The following C8orf34 variants were observed in gnomAD, a reference collection of about 807,000 sequenced individuals.
C8orf34 encodes the protein chromosome 8 open reading frame 34.
In C8orf34, 65 loss-of-function variants were observed where a neutral mutation model predicts 68.3. The ratio of observed to expected loss-of-function variants is 0.95; its 90% CI spans 0.78 to 1.17. The LOEUF is 1.17. C8orf34 is among the 50% of genes most tolerant of loss of function. C8orf34 has a pLI of 0.00. For missense variants in C8orf34, 664 were observed against 655.4 expected (o/e 1.01, Z -0.14); for synonymous variants, 244 against 241.2 (o/e 1.01, Z -0.11).
At chr8:68,408,337 A>T (rs1229874151) in intron 1 of C8orf34, among the ~76,000 whole-genome samples, 1 of 151,338 alleles carries the variant, frequency 6.6e-6, no homozygotes, top group African/African-American at 2.4e-5. Context: ...ATAATGTAAT[A>T]ATAATATAAA....
chr8:68,773,753 C>A (rs1298800064), intron 10 of C8orf34, among the ~76,000 whole-genome samples: 1 of 152,066 alleles, frequency 6.6e-6, no homozygotes, highest in Non-Finnish European at 1.5e-5. Flanking sequence ...TTACAAATGG[C>A]AGTTACAACC....
chr8:68,794,650 C>T (rs1313612634), intron 12 of C8orf34, among the ~76,000 whole-genome samples: 3 of 150,712 alleles, frequency 2.0e-5, no homozygotes, highest in Non-Finnish European at 2.9e-5. Context: ...CCACACCTGG[C>T]TAGTTTTTGT....
chr8:68,533,140 G>C lies in C8orf34; in HGVS notation c.1096G>C (p.Glu366Gln). 6.4e-7 allele frequency: 1 copy of C among 1,569,848 alleles called. No homozygotes were observed. The highest frequency in any genetic ancestry group is 8.6e-7 in the Non-Finnish European group (1 of 1,164,354). The part of the protein sequence containing the change: ...EDIDNEDDAM[E>Q]LLEDLNDLRM... ...TATTGATAATGAAGATGATGCAATG[G>C]AATTGCTGGGTAATTTTAAAAATTA... is the stretch of plus-strand genomic sequence containing the variant. Residue 366 changes from glutamate (E) to glutamine (Q), a missense_variant, in exon 7 of 14, where the codon GAA becomes CAA. Coordinates refer to ENST00000518698, the MANE Select transcript of C8orf34 (RefSeq NM_052958.4).
intron 7 of C8orf34, among the ~76,000 whole-genome samples, chr8:68,617,551 T>G (rs558557525): frequency 2.0e-5 from 3 of 152,290 alleles, no homozygotes; most frequent in South Asian, 4.1e-4. Flanking sequence ...TGAAGCTTAG[T>G]TTGGCTGGAT....
chr8:68,530,290 G>C (rs1368318588), intron 6 of C8orf34, among the ~76,000 whole-genome samples: 1 of 150,390 alleles, frequency 6.6e-6, no homozygotes, highest in Non-Finnish European at 1.5e-5. Context: ...GGAAAAGAAA[G>C]AAGTAACTTG....
At chr8:68,508,596 G>C (rs910852311) in intron 5 of C8orf34, among the ~76,000 whole-genome samples, 1 of 152,154 alleles carries the variant, frequency 6.6e-6, no homozygotes, top group African/African-American at 2.4e-5. Flanking sequence ...GAGCTCAACA[G>C]GTCTCATTTG....
intron 8 of C8orf34, among the ~76,000 whole-genome samples, chr8:68,706,333 C>T (rs1264497206): frequency 6.6e-6 from 1 of 151,978 alleles, no homozygotes; most frequent in Non-Finnish European, 1.5e-5. Flanking sequence ...CTCCCTTATA[C>T]CTAGGAGAAA....
At chr8:68,727,655 A>C (rs563372361) in intron 10 of C8orf34, among the ~76,000 whole-genome samples, 215 of 152,344 alleles carry the variant, frequency 1.4e-3, no homozygotes, top group African/African-American at 4.2e-3. Flanking sequence ...TCTAGGCAGA[A>C]GTTCCCAAAC....
chr8:68,693,585 GTATT>G (rs1820743538), intron 8 of C8orf34, among the ~76,000 whole-genome samples: 1 of 152,082 alleles, frequency 6.6e-6, no homozygotes, highest in Admixed American at 6.6e-5. Flanking sequence ...TTTGCACAGA[GTATT>G]TAATTATGCT....
chr8:68,620,784 CTT>C (rs796946701), intron 7 of C8orf34, among the ~76,000 whole-genome samples: 2 of 145,336 alleles, frequency 1.4e-5, no homozygotes, highest in Admixed American at 1.4e-4. Flanking sequence ...TTAGTTTTAG[CTT>C]TTTTTTTTTC....
chr8:68,716,495 C>T (rs1821476206), intron 9 of C8orf34, among the ~76,000 whole-genome samples: 1 of 151,898 alleles, frequency 6.6e-6, no homozygotes, highest in Non-Finnish European at 1.5e-5. Context: ...ATACATTTTA[C>T]AGAGAGGAAA....
At chr8:68,386,697 A>G (rs200308381) in intron 1 of C8orf34, among the ~76,000 whole-genome samples, 2 of 152,234 alleles carry the variant, frequency 1.3e-5, no homozygotes, top group South Asian at 2.1e-4. Flanking sequence ...ACCTTTTACC[A>G]CTAGGACTTC....
intron 12 of C8orf34, among the ~76,000 whole-genome samples, chr8:68,799,811 G>A (rs1824277616): frequency 6.6e-6 from 1 of 152,190 alleles, no homozygotes; most frequent in Non-Finnish European, 1.5e-5. Flanking sequence ...ATATCACAGA[G>A]TTGACAGTAG....
chr8:68,707,250 C>T (rs568174417), intron 8 of C8orf34, among the ~76,000 whole-genome samples: 3 of 152,168 alleles, frequency 2.0e-5, no homozygotes, highest in Non-Finnish European at 4.4e-5. Context: ...GGAATTGGTG[C>T]CAAGTCACAG....
intron 10 of C8orf34, among the ~76,000 whole-genome samples, chr8:68,757,124 TGAGAA>T (rs1391782520): frequency 6.6e-6 from 1 of 152,242 alleles, no homozygotes; most frequent in Non-Finnish European, 1.5e-5. Context: ...GCTGTGCAAC[TGAGAA>T]AAGACACAAC....
intron 8 of C8orf34, among the ~76,000 whole-genome samples, chr8:68,641,742 A>G (rs1418397871): frequency 6.6e-6 from 1 of 152,212 alleles, no homozygotes; most frequent in East Asian, 1.9e-4. Context: ...TTTATAAAAA[A>G]TGTTTTTCTA....
At chr8:68,623,005 A>G (rs1194992980) in intron 7 of C8orf34, among the ~76,000 whole-genome samples, 2 of 152,204 alleles carry the variant, frequency 1.3e-5, no homozygotes, top group African/African-American at 2.4e-5. Context: ...TCTTTGTGTA[A>G]GGTAGAGTGA....
Position 68,756,128 on chromosome 8 carries a change from T to C in C8orf34, c.1405-20271T>C, listed in dbSNP as rs570429760. On this transcript the variant is annotated intron_variant, in intron 10 of 13. Coordinates refer to ENST00000518698, the MANE Select transcript of C8orf34 (RefSeq NM_052958.4). ...GTGACTCCCAAATGTAGATGGACAG[T>C]GCATATGAGAGCCGCCAGTGGCCTT... Among the ~76,000 whole-genome samples, 3 of 150,992 alleles carry C rather than the reference T, an allele frequency of 2.0e-5. No individual in the cohort carries two copies. The East Asian group carries it at 5.8e-4, about 29-fold the overall frequency.
At chr8:68,696,414 A>G (rs966282669) in intron 8 of C8orf34, among the ~76,000 whole-genome samples, 2 of 150,230 alleles carry the variant, frequency 1.3e-5, no homozygotes, top group Middle Eastern at 3.5e-3. Context: ...CATAGTCCCT[A>G]TTTTTTATTA....
Sources: allele counts gnomAD v4.1 joint callset (sites outside exome capture counted in the v4.1 genomes callset), GRCh38; gene constraint gnomAD v4.1.1; transcripts MANE v1.5; gene names NCBI Gene and HGNC (gene_info 2026-07-23, HGNC 2026-07-21).